Variants in CEP97 observed in about 807,000 individuals in gnomAD.
CEP97 encodes the protein centrosomal protein 97, also known as centrosomal protein of 97 kDa.
In CEP97, 43 loss-of-function variants were observed where a neutral mutation model predicts 73.1. The observed-to-expected ratio is 0.59, with a 90% CI of 0.46 to 0.76. The LOEUF is 0.76. CEP97 is among the 30% of genes least tolerant of loss of function. CEP97 has a pLI of 0.00. For synonymous variants in CEP97, 337 were observed against 370.0 expected (o/e 0.91, Z 1.02); for missense variants, 939 against 1,014.0 (o/e 0.93, Z 1.00).
At chr3:101,731,770 G>T in intron 4 of CEP97, 70 bp from the exon 5 acceptor site, 1 of 778,848 alleles carries the variant, frequency 1.3e-6, no homozygotes, top group Non-Finnish European at 2.2e-6. Flanking sequence ...GTACCATTTT[G>T]GTGTTGTCAC....
chr3:101,753,539 A>T (rs1938905924), intron 6 of CEP97, among the ~76,000 whole-genome samples: 1 of 152,152 alleles, frequency 6.6e-6, no homozygotes, highest in Admixed American at 6.5e-5. Flanking sequence ...GGCCTCCTTG[A>T]GCTGTGGTGG....
At chr3:101,739,986 G>A (rs1372029300) in intron 6 of CEP97, among the ~76,000 whole-genome samples, 2 of 151,230 alleles carry the variant, frequency 1.3e-5, no homozygotes, top group Non-Finnish European at 2.9e-5. Context: ...AAAATAATAA[G>A]AGCTATTTAT....
chr3:101,727,314 A>T, intron 2 of CEP97, 69 bp from the exon 3 acceptor site: 1 of 1,337,676 alleles, frequency 7.5e-7, no homozygotes, highest in Non-Finnish European at 1.0e-6. Flanking sequence ...TAAACCTTTT[A>T]AATCACTTTA....
chr3:101,731,530 A>G (rs1221536555), intron 4 of CEP97, among the ~76,000 whole-genome samples: 1 of 152,178 alleles, frequency 6.6e-6, no homozygotes, highest in Non-Finnish European at 1.5e-5. Flanking sequence ...AGAAAATGAA[A>G]AAGTGTGTTA....
At chr3:101,733,709 T>G (rs1938185778) in intron 6 of CEP97, among the ~76,000 whole-genome samples, 1 of 151,920 alleles carries the variant, frequency 6.6e-6, no homozygotes, top group African/African-American at 2.4e-5. Context: ...TTTTTGTATT[T>G]TTAGTAGAGA....
At chr3:101,748,440 A>C (rs1938694904) in intron 6 of CEP97, among the ~76,000 whole-genome samples, 1 of 152,098 alleles carries the variant, frequency 6.6e-6, no homozygotes, top group Non-Finnish European at 1.5e-5. Flanking sequence ...CTGTCTTCCC[A>C]AAGTACAGAT....
chr3:101,742,189 G>A (rs2107153525), intron 6 of CEP97, among the ~76,000 whole-genome samples: 1 of 152,268 alleles, frequency 6.6e-6, no homozygotes, highest in Middle Eastern at 3.4e-3. Flanking sequence ...ATTCCTCAAG[G>A]ACCTAGAACC....
intron 3 of CEP97, among the ~76,000 whole-genome samples, chr3:101,728,355 G>A (rs553313791): frequency 5.9e-5 from 9 of 151,786 alleles, no homozygotes; most frequent in African/African-American, 2.2e-4. Context: ...TGCCTCCTGG[G>A]TTTAAGCAAT....
At chr3:101,759,302 T>G (rs1939106938) in intron 9 of CEP97, 1 of 152,204 alleles carries the variant, frequency 6.6e-6, no homozygotes. Flanking sequence ...AAGCTTCCAG[T>G]TGTTCTCTTT....
chr3:101,757,084 G>A lies in CEP97; in HGVS notation c.915G>A (p.Met305Ile), dbSNP rs1255933692. The change falls in exon 8 of 11, where the codon ATG (methionine) becomes ATA (isoleucine). Residue 305 changes from methionine (M) to isoleucine (I), a missense_variant. Coordinates refer to ENST00000341893, the MANE Select transcript of CEP97 (RefSeq NM_024548.4). The stretch of plus-strand genomic sequence containing the variant: ...TTAGGTTTCACCAGAGGCAGTTGAT[G>A]AACCAAAGCCAAAATGAAGAGTTGT... ...SKQRFHQRQL[M>I]NQSQNEELSP... 8 of 1,610,436 alleles carry A rather than the reference G, an allele frequency of 5.0e-6. No homozygotes were observed. Among genetic ancestry groups the A allele is most frequent in the African/African-American group, 1.3e-5 (1 of 74,724 alleles).
Position 101,758,420 on chromosome 3 carries a change from G to A in CEP97, c.1814G>A (p.Arg605Lys), listed in dbSNP as rs1450844723. The change falls in exon 9 of 11, where the codon AGG (arginine) becomes AAG (lysine). Residue 605 changes from arginine (R) to lysine (K), a missense_variant. Transcript: ENST00000341893. Reference sequence around the variant, plus strand: ...ATTGTCTGCTTAACTGATGAAATAAGGAGGTGGGTCAGAAGTCCTTTTGAT... The same window carrying A: ...ATTGTCTGCTTAACTGATGAAATAAAGAGGTGGGTCAGAAGTCCTTTTGAT... ...EHIVCLTDEI[R>K]RLRKERDEER... is the part of the protein sequence containing the mutation. 1.2e-6 allele frequency: 2 copies of A among 1,613,742 alleles called. No individual in the cohort carries two copies. Among genetic ancestry groups the A allele is most frequent in the African/African-American group, 2.7e-5 (2 of 74,944 alleles).
intron 6 of CEP97, among the ~76,000 whole-genome samples, chr3:101,735,828 G>A (rs956769098): frequency 2.6e-5 from 4 of 152,234 alleles, no homozygotes; most frequent in African/African-American, 9.6e-5. Flanking sequence ...AGTGGCGCCT[G>A]GAACACCAGT....
At position 101,765,652 on chromosome 3, in the gene CEP97, G is replaced by A. The variant is rs1047630985; in HGVS notation, c.*101G>A. 6 of 845,772 alleles carry A rather than the reference G, an allele frequency of 7.1e-6. No individual in the cohort carries two copies. Among genetic ancestry groups the A allele is most frequent in the Non-Finnish European group, 1.8e-6 (1 of 542,896 alleles). The allele number at this position is 845,772 out of a possible 1,614,324, so 52.4% of individuals were successfully genotyped here. On this transcript the variant is annotated 3_prime_UTR_variant, in exon 11 of 11. Coordinates refer to ENST00000341893, the MANE Select transcript of CEP97 (RefSeq NM_024548.4). The stretch of plus-strand genomic sequence containing the variant: ...GGAAATACTCCCTACCCCTAATTTT[G>A]TTACTACTTATATAGAATTTGTATT...
intron 4 of CEP97, among the ~76,000 whole-genome samples, chr3:101,731,216 T>C (rs1396023206): frequency 1.3e-5 from 2 of 150,812 alleles, no homozygotes; most frequent in Non-Finnish European, 3.0e-5. Flanking sequence ...TTTTTTTAAT[T>C]TGAGACATCA....
At position 101,732,630 on chromosome 3, in the gene CEP97, G is replaced by A; in HGVS notation, c.704G>A (p.Gly235Glu). ...SWCLNLRVLDGYVISQKESLK... is the reference protein window; with the variant it reads ...SWCLNLRVLDEYVISQKESLK... ...TGCCTAAACCTCAGAGTCCTAGATG[G>A]ATATGTGATTTCTCAGAAGGAAAGG... Residue 235 changes from glycine to glutamate, a missense_variant, in exon 6 of 11, where the codon GGA (glycine) becomes GAA (glutamate). Transcript: ENST00000341893. 1 of 1,608,804 alleles carries A rather than the reference G, an allele frequency of 6.2e-7. No homozygotes were observed. The highest frequency in any genetic ancestry group is 8.5e-7 in the Non-Finnish European group (1 of 1,177,190).
In CEP97 at chr3:101,764,870, A is replaced by G; in HGVS notation, c.1917A>G (p.Gln639=). 1 of 1,611,530 alleles carries G rather than the reference A, an allele frequency of 6.2e-7. No individual in the cohort carries two copies. The highest frequency in any genetic ancestry group is 1.7e-5 in the Admixed American group (1 of 59,438). ...AGGTAAGGTCTCTACAGGTTTGGCA[A>G]CAGACAGTGGACCAGCGTCTAAGTT... ...WNQVRSLQVW[Q]QTVDQRLSSW... The change falls in exon 11 of 11, where the codon CAA becomes CAG. Residue 639 remains glutamine (Q), a synonymous_variant. Coordinates refer to ENST00000341893, the MANE Select transcript of CEP97 (RefSeq NM_024548.4).
chr3:101,754,032 A>G (rs1272832555), intron 6 of CEP97, among the ~76,000 whole-genome samples: 1 of 123,244 alleles, frequency 8.1e-6, no homozygotes, highest in African/African-American at 3.1e-5. Context: ...AGCTGTTCCT[A>G]TTTGGCCATC....
rs76874307 is a variant in CEP97 at position 101,769,336 on chromosome 3, T to A, written c.*3785T>A. 2 of 151,826 alleles carry A rather than the reference T, an allele frequency of 1.3e-5. No homozygotes were observed. Among genetic ancestry groups the A allele is most frequent in the Non-Finnish European group, 1.5e-5 (1 of 67,922 alleles). The allele number at this position is 151,826 out of a possible 1,614,324, so 9.4% of individuals were successfully genotyped here. On this transcript the variant is annotated 3_prime_UTR_variant, in exon 11 of 11. Transcript: ENST00000341893. The stretch of plus-strand genomic sequence containing the variant: ...ACTTCATTGTGTGTGTGTTTTTTTT[T>A]TTTTTTTCGAGATAGAGTTTCACTG...
In CEP97 at chr3:101,758,364, C is replaced by T. The variant is rs1238905063; in HGVS notation, c.1758C>T (p.Tyr586=). The T allele has an allele frequency of 1.2e-5, 20 of 1,614,034 alleles. No homozygotes were observed. The highest frequency in any genetic ancestry group is 8.3e-5 in the Admixed American group (5 of 60,004). Residue 586 remains tyrosine, a synonymous_variant, in exon 9 of 11, where the codon TAC becomes TAT. Coordinates refer to ENST00000341893, the MANE Select transcript of CEP97 (RefSeq NM_024548.4). ...ACCCTCAAGCCAAAGATGTGCGTTA[C>T]GAAATCCGGCTACGCAGAATGCAAG... The part of the protein sequence containing the change: ...NYNPQAKDVR[Y]EIRLRRMQEH...
Sources: allele counts gnomAD v4.1 joint callset (sites outside exome capture counted in the v4.1 genomes callset), GRCh38; gene constraint gnomAD v4.1.1; transcripts MANE v1.5; gene names NCBI Gene and HGNC (gene_info 2026-07-23, HGNC 2026-07-21).